NRXN1: variants seen among roughly 807,000 people sequenced by gnomAD.
NRXN1 encodes the protein neurexin-1.
In NRXN1, 39 loss-of-function variants were observed where a neutral mutation model predicts 150.9. The observed-to-expected ratio is 0.26, with a 90% CI of 0.20 to 0.34. The LOEUF (loss-of-function observed/expected upper bound fraction) is 0.34. Among genes scored for constraint, NRXN1 ranks in the 10% least tolerant of loss-of-function variants. The pLI is 1.00. For missense variants in NRXN1, 1,815 were observed against 1,949.9 expected (o/e 0.93, Z 1.30); for synonymous variants, 924 against 757.0 (o/e 1.22, Z -3.62).
chr2:50,741,185 T>C (rs1341929473), intron 5 of NRXN1, among the ~76,000 whole-genome samples: 1 of 152,192 alleles, frequency 6.6e-6, no homozygotes, highest in African/African-American at 2.4e-5. Flanking sequence ...TTACCATTTA[T>C]GACAGAATAA....
chr2:50,105,020 C>T (rs186278473), intron 18 of NRXN1, among the ~76,000 whole-genome samples: 244 of 152,102 alleles, frequency 1.6e-3, no homozygotes, highest in Non-Finnish European at 2.9e-3. Flanking sequence ...TCTGAAGTCA[C>T]GCAGCTAAAA....
At chr2:50,480,285 A>G (rs990331222) in intron 15 of NRXN1, among the ~76,000 whole-genome samples, 2 of 152,210 alleles carry the variant, frequency 1.3e-5, no homozygotes, top group African/African-American at 4.8e-5. Context: ...TGTGCGTAGT[A>G]ATGAGAACCC....
chr2:50,165,189 A>G (rs892771833), intron 18 of NRXN1, among the ~76,000 whole-genome samples: 2 of 152,176 alleles, frequency 1.3e-5, no homozygotes, highest in Non-Finnish European at 2.9e-5. Flanking sequence ...AGAAGGTGGA[A>G]GAAGAACGAC....
At chr2:50,976,227 T>C (rs906501166) in intron 2 of NRXN1, among the ~76,000 whole-genome samples, 9 of 150,708 alleles carry the variant, frequency 6.0e-5, no homozygotes, top group Admixed American at 2.0e-4. Flanking sequence ...ACTCACTAGG[T>C]GCACAAAGGA....
intron 5 of NRXN1, among the ~76,000 whole-genome samples, chr2:50,761,393 G>A (rs1701786643): frequency 6.6e-6 from 1 of 151,794 alleles, no homozygotes; most frequent in Non-Finnish European, 1.5e-5. Context: ...TAAGTCTCAT[G>A]AGATGTGATG....
At chr2:50,362,276 AG>A (rs578203521) in intron 17 of NRXN1, among the ~76,000 whole-genome samples, 265 of 152,342 alleles carry the variant, frequency 1.7e-3, no homozygotes, top group African/African-American at 6.2e-3. Flanking sequence ...AAAGAAATAA[AG>A]GGTATTCAAA....
intron 18 of NRXN1, among the ~76,000 whole-genome samples, chr2:50,114,799 T>A (rs867438327): frequency 6.6e-6 from 1 of 152,004 alleles, no homozygotes; most frequent in Non-Finnish European, 1.5e-5. Context: ...CTGTGTGACA[T>A]TCTGGAAAAG....
rs536518973 is a variant in NRXN1, at chr2:50,491,262, T to C, written c.3070+4643A>G. Among the ~76,000 whole-genome samples the C allele has an allele frequency of 2.0e-5, 3 of 152,244 alleles. No individual in the cohort carries two copies. The South Asian group carries it at 6.2e-4, about 32-fold the overall frequency. On this transcript the variant is annotated intron_variant, in intron 15 of 22. Transcript: ENST00000401669. ...AGTAGCAACATGAAAAGGTATAAAA[T>C]GGAGGGGATATGTGTTATATTCAGG... is the stretch of plus-strand genomic sequence containing the variant.
intron 15 of NRXN1, among the ~76,000 whole-genome samples, chr2:50,475,253 T>C (rs1356672039): frequency 6.6e-6 from 1 of 152,080 alleles, no homozygotes; most frequent in African/African-American, 2.4e-5. Context: ...TATTTATTAA[T>C]CAATCTTCCT....
intron 5 of NRXN1, chr2:50,624,868 G>A (rs1573849953): frequency 6.6e-6 from 1 of 152,018 alleles, no homozygotes; most frequent in East Asian, 1.9e-4. Flanking sequence ...CAGAAAGGTG[G>A]ATATTTGGAA....
At chr2:50,295,618 G>C (rs528590372) in intron 17 of NRXN1, among the ~76,000 whole-genome samples, 1 of 152,248 alleles carries the variant, frequency 6.6e-6, no homozygotes, top group East Asian at 1.9e-4. Context: ...ACAAATGTGG[G>C]CTCTGAATTT....
At chr2:50,651,419 C>A (rs749792417) in intron 5 of NRXN1, among the ~76,000 whole-genome samples, 4 of 151,706 alleles carry the variant, frequency 2.6e-5, no homozygotes, top group Admixed American at 1.3e-4. Context: ...TCAAGACCAG[C>A]CTGGGAAATA....
intron 8 of NRXN1, among the ~76,000 whole-genome samples, chr2:50,584,690 C>A (rs1262689737): frequency 6.6e-6 from 1 of 152,058 alleles, no homozygotes; most frequent in East Asian, 1.9e-4. Flanking sequence ...GGTTGGTAAA[C>A]CAAAATGAAC....
intron 19 of NRXN1, among the ~76,000 whole-genome samples, chr2:50,090,873 C>T (rs1479388291): frequency 1.3e-5 from 2 of 152,112 alleles, no homozygotes; most frequent in Non-Finnish European, 2.9e-5. Flanking sequence ...GATCCCTACA[C>T]TTTAATGTGT....
chr2:50,720,017 A>C (rs998286191), intron 5 of NRXN1, among the ~76,000 whole-genome samples: 1 of 152,170 alleles, frequency 6.6e-6, no homozygotes, highest in African/African-American at 2.4e-5. Context: ...TGTTTAAAGA[A>C]CAAATTACAA....
intron 17 of NRXN1, among the ~76,000 whole-genome samples, chr2:50,349,516 A>G (rs1247735983): frequency 3.3e-5 from 5 of 152,222 alleles, no homozygotes. Flanking sequence ...TAGTGTTAGC[A>G]TGGAAAGAGC....
Position 50,929,699 on chromosome 2 carries a change from T to C in NRXN1, c.773-3744A>G, listed in dbSNP as rs551145840. Among the ~76,000 whole-genome samples the C allele has an allele frequency of 2.6e-5, 4 of 151,960 alleles. No homozygotes were observed. The South Asian group carries it at 8.3e-4, about 32-fold the overall frequency. ...CTATTTCCTTCCTCCATACAGGGAG[T>C]GTGCTAACTTCTATCCACGTCTCTC... On this transcript the variant is annotated intron_variant, in intron 2 of 22. Coordinates refer to ENST00000401669, the MANE Select transcript of NRXN1 (RefSeq NM_001330078.2).
intron 12 of NRXN1, among the ~76,000 whole-genome samples, chr2:50,520,085 G>C (rs1200542395): frequency 6.6e-6 from 1 of 151,844 alleles, no homozygotes; most frequent in Non-Finnish European, 1.5e-5. Flanking sequence ...TATATATTAA[G>C]TACATAATGT....
At chr2:50,078,622 G>A (rs1458065954) in intron 19 of NRXN1, among the ~76,000 whole-genome samples, 1 of 152,006 alleles carries the variant, frequency 6.6e-6, no homozygotes, top group Non-Finnish European at 1.5e-5. Context: ...CTTCAGATGT[G>A]TCTTTTTTTG....
Sources: gnomAD v4.1 joint callset for allele counts (sites outside exome capture counted in the v4.1 genomes callset) on GRCh38, gnomAD v4.1.1 for gene constraint, MANE v1.5 for transcripts, NCBI Gene and HGNC (gene_info 2026-07-23, HGNC 2026-07-21) for gene names.